PKN2: variants seen among roughly 807,000 people sequenced by gnomAD.
PKN2 encodes the protein serine/threonine-protein kinase N2.
In PKN2, 38 loss-of-function variants were observed where a neutral mutation model predicts 119.1. The observed-to-expected ratio is 0.32, with a 90% CI of 0.25 to 0.42. PKN2 has a LOEUF of 0.42. PKN2 is among the 10% of genes least tolerant of loss of function. PKN2 has a pLI of 1.00. For missense variants in PKN2, 850 were observed against 1,165.1 expected (o/e 0.73, Z 3.94); for synonymous variants, 390 against 384.9 (o/e 1.01, Z -0.15).
At chr1:88,749,148 A>G (rs1164681097) in intron 2 of PKN2, among the ~76,000 whole-genome samples, 2 of 152,202 alleles carry the variant, frequency 1.3e-5, no homozygotes, top group African/African-American at 4.8e-5. Flanking sequence ...GAGAATTTAC[A>G]AAAGAACAGT....
intron 19 of PKN2, among the ~76,000 whole-genome samples, chr1:88,831,263 A>G (rs1348614112): frequency 6.6e-6 from 1 of 151,672 alleles, no homozygotes; most frequent in African/African-American, 2.4e-5. Flanking sequence ...AAGATACTAC[A>G]TATTTTAACA....
chr1:88,768,276 G>A (rs192304542), intron 3 of PKN2, among the ~76,000 whole-genome samples: 1 of 152,290 alleles, frequency 6.6e-6, no homozygotes, highest in African/African-American at 2.4e-5. Flanking sequence ...TTATAATTTT[G>A]TAGTTATTTT....
chr1:88,727,092 T>C (rs1210177186), intron 1 of PKN2, among the ~76,000 whole-genome samples: 1 of 152,054 alleles, frequency 6.6e-6, no homozygotes, highest in African/African-American at 2.4e-5. Flanking sequence ...TTGCTTCCTG[T>C]GTTTTGAAGC....
At chr1:88,740,519 A>G (rs183677189) in intron 1 of PKN2, among the ~76,000 whole-genome samples, 8 of 152,110 alleles carry the variant, frequency 5.3e-5, no homozygotes, top group Non-Finnish European at 1.2e-4. Context: ...GTGACCCAGT[A>G]CTTGTATTTA....
At chr1:88,703,504 C>A (rs1333684040) in intron 1 of PKN2, among the ~76,000 whole-genome samples, 1 of 152,088 alleles carries the variant, frequency 6.6e-6, no homozygotes. Context: ...AGCAAGTTAG[C>A]CCAACTGGCA....
chr1:88,819,698 C>CA (rs1420786397), intron 16 of PKN2, among the ~76,000 whole-genome samples: 4 of 152,126 alleles, frequency 2.6e-5, no homozygotes, highest in Admixed American at 2.6e-4. Flanking sequence ...TCTGTAAAGA[C>CA]ACATGCACAC....
At chr1:88,711,341 C>G (rs1667228565) in intron 1 of PKN2, among the ~76,000 whole-genome samples, 1 of 152,136 alleles carries the variant, frequency 6.6e-6, no homozygotes, top group East Asian at 1.9e-4. Context: ...TTTCTTATTC[C>G]ACTTCCCGCC....
chr1:88,784,432 A>G (rs754567067), intron 6 of PKN2, among the ~76,000 whole-genome samples: 1 of 152,084 alleles, frequency 6.6e-6, no homozygotes, highest in Non-Finnish European at 1.5e-5. Flanking sequence ...GTTCTTTTCT[A>G]TAAAATTTCT....
At chr1:88,759,067 A>C (rs1197878011) in intron 2 of PKN2, among the ~76,000 whole-genome samples, 1 of 152,118 alleles carries the variant, frequency 6.6e-6, no homozygotes, top group African/African-American at 2.4e-5. Flanking sequence ...TTGACTTTTT[A>C]ATAATAGCCA....
intron 9 of PKN2, 55 bp from the exon 10 acceptor site, chr1:88,804,788 TTAG>T: frequency 1.0e-6 from 1 of 966,316 alleles, no homozygotes; most frequent in Non-Finnish European, 1.6e-6. Flanking sequence ...TTTTATAAAT[TTAG>T]TAGATTTCAT....
chr1:88,816,525 G>C (rs1421834903), intron 16 of PKN2, among the ~76,000 whole-genome samples: 1 of 152,156 alleles, frequency 6.6e-6, no homozygotes, highest in East Asian at 1.9e-4. Context: ...GGGATTACAG[G>C]CATGAGCCAC....
intron 1 of PKN2, among the ~76,000 whole-genome samples, chr1:88,723,410 G>GGC (rs567944078): frequency 1.6e-5 from 2 of 125,128 alleles, no homozygotes; most frequent in Non-Finnish European, 1.6e-5. Flanking sequence ...ACCGTGCCCT[G>GGC]CCCCCCCCCC....
chr1:88,717,572 G>C (rs1667505572), intron 1 of PKN2, among the ~76,000 whole-genome samples: 1 of 151,276 alleles, frequency 6.6e-6, no homozygotes, highest in African/African-American at 2.4e-5. Context: ...CCTTTCTTCT[G>C]CTTGATCGAA....
intron 16 of PKN2, among the ~76,000 whole-genome samples, chr1:88,817,464 T>G (rs904406850): frequency 2.0e-5 from 3 of 148,952 alleles, no homozygotes; most frequent in Non-Finnish European, 3.0e-5. Context: ...TCCCAGCACT[T>G]TAGGAGGCCG....
chr1:88,763,978 T>C (rs1669555240), intron 3 of PKN2, among the ~76,000 whole-genome samples: 1 of 152,200 alleles, frequency 6.6e-6, no homozygotes, highest in Non-Finnish European at 1.5e-5. Context: ...TCTACATGAT[T>C]AAATTATTAC....
chr1:88,775,417 A>G (rs762300190), intron 6 of PKN2, among the ~76,000 whole-genome samples: 117 of 152,136 alleles, frequency 7.7e-4, no homozygotes, highest in Non-Finnish European at 1.5e-3. Flanking sequence ...AGTTTCCTCT[A>G]TGTCTTTCCA....
intron 8 of PKN2, among the ~76,000 whole-genome samples, chr1:88,793,566 TCTTC>T (rs1670934986): frequency 6.6e-6 from 1 of 152,192 alleles, no homozygotes; most frequent in Non-Finnish European, 1.5e-5. Context: ...TGACTTTTAT[TCTTC>T]CTTCCAACAT....
Position 88,807,439 on chromosome 1 carries a change from A to G in PKN2, c.1930A>G (p.Arg644Gly), listed in dbSNP as rs753261243. The stretch of plus-strand genomic sequence containing the variant: ...TAGTGGTATTCAAGAACTTGAGGAC[A>G]GAAGGTAAAGAATATATACCAAATT... Reference protein sequence around the residue: ...EYSGIQELEDRRSQQRFQFNL... With the variant: ...EYSGIQELEDGRSQQRFQFNL... Residue 644 changes from arginine to glycine, a missense_variant, in exon 13 of 22, where the codon AGA becomes GGA. Around this residue, in one of 9 missense-constraint regions of PKN2, gnomAD observed 216 missense variants for 252.8 expected, o/e 0.85. Coordinates refer to ENST00000370521, the MANE Select transcript of PKN2 (RefSeq NM_006256.4). 3.7e-6 allele frequency: 6 copies of G among 1,609,814 alleles called. No homozygotes were observed. Among genetic ancestry groups the G allele is most frequent in the Non-Finnish European group, 5.1e-6 (6 of 1,178,410 alleles).
intron 2 of PKN2, among the ~76,000 whole-genome samples, chr1:88,751,377 TACACACACACACAC>T (rs34210018): frequency 4.1e-5 from 6 of 146,580 alleles, no homozygotes; most frequent in African/African-American, 1.2e-4. Flanking sequence ...TATTTACACA[TACACACACACACAC>T]ACACACACAC....
Sources: allele counts gnomAD v4.1 joint callset (sites outside exome capture counted in the v4.1 genomes callset), GRCh38; gene constraint gnomAD v4.1.1; regional missense constraint gnomAD v4.1.1; transcripts MANE v1.5; gene names NCBI Gene and HGNC (gene_info 2026-07-23, HGNC 2026-07-21).